NAV3: variants seen among roughly 807,000 people sequenced by gnomAD.
NAV3 encodes pore membrane and/or filament interacting like protein 1.
NAV3 carries 87 observed loss-of-function variants against 244.7 expected under a neutral mutation model. That is an observed-to-expected ratio of 0.36 (90% CI 0.30 to 0.42). The LOEUF is 0.42. Ranked by LOEUF, NAV3 falls within the 20% of genes least tolerant of loss-of-function variation. NAV3 has a pLI of 1.00. For missense variants in NAV3, 2,663 were observed against 2,893.3 expected (o/e 0.92, Z 1.83); for synonymous variants, 1,126 against 1,042.2 (o/e 1.08, Z -1.55).
rs1885239025 is a variant in NAV3 at position 77,901,117 on chromosome 12, A to G, written c.244-39202A>G. Reference sequence around the variant, plus strand: ...TGATTAAGTTCCTTACAGATTCTGGATATTAGGCCTTTGTTGGATGCACAG... The same window carrying G: ...TGATTAAGTTCCTTACAGATTCTGGGTATTAGGCCTTTGTTGGATGCACAG... On this transcript the variant is annotated intron_variant, in intron 1 of 39. Coordinates refer to ENST00000397909, the MANE Select transcript of NAV3 (RefSeq NM_001024383.2). Among the ~76,000 whole-genome samples, 3 of 152,206 alleles carry G rather than the reference A, an allele frequency of 2.0e-5. No individual in the cohort carries two copies. The South Asian group carries it at 6.2e-4, about 32-fold the overall frequency.
intron 8 of NAV3, among the ~76,000 whole-genome samples, chr12:78,020,327 A>T (rs1156857750): frequency 6.6e-6 from 1 of 152,146 alleles, no homozygotes; most frequent in East Asian, 1.9e-4. Context: ...TGGAAGACTA[A>T]AATATCTTTT....
At chr12:78,041,955 C>A (rs1880939887) in intron 9 of NAV3, among the ~76,000 whole-genome samples, 1 of 151,812 alleles carries the variant, frequency 6.6e-6, no homozygotes. Flanking sequence ...CTTTTTCTTC[C>A]ATCCTGTTTC....
At chr12:77,981,035 A>T (rs1160161036) in intron 5 of NAV3, among the ~76,000 whole-genome samples, 1 of 152,288 alleles carries the variant, frequency 6.6e-6, no homozygotes, top group Non-Finnish European at 1.5e-5. Flanking sequence ...TAAAAGGATA[A>T]GTTATCACAG....
At chr12:77,932,686 G>C (rs1162671722) in intron 1 of NAV3, among the ~76,000 whole-genome samples, 2 of 152,108 alleles carry the variant, frequency 1.3e-5, no homozygotes, top group Non-Finnish European at 2.9e-5. Context: ...TCAAGTTCAA[G>C]TTTAGTAACA....
chr12:77,625,760 A>G (rs530938811), intron 2 of NAV3, among the ~76,000 whole-genome samples: 1 of 152,236 alleles, frequency 6.6e-6, no homozygotes, highest in African/African-American at 2.4e-5. Flanking sequence ...AAAGTATCCT[A>G]CTCAACCAAC....
chr12:77,721,423 T>G (rs1017699746), intron 2 of NAV3, among the ~76,000 whole-genome samples: 1 of 152,154 alleles, frequency 6.6e-6, no homozygotes, highest in Non-Finnish European at 1.5e-5. Context: ...CCTTTTTGTT[T>G]TAGCTCTTCT....
At chr12:78,157,336 G>A (rs1406818512) in intron 22 of NAV3, among the ~76,000 whole-genome samples, 3 of 151,560 alleles carry the variant, frequency 2.0e-5, no homozygotes, top group African/African-American at 7.3e-5. Flanking sequence ...AATTACTTGA[G>A]GCTAGGAGTT....
chr12:78,073,805 A>G, intron 12 of NAV3, among the ~76,000 whole-genome samples: 1 of 152,202 alleles, frequency 6.6e-6, no homozygotes, highest in Non-Finnish European at 1.5e-5. Flanking sequence ...ACAAGGCTAC[A>G]GTAACCAAAA....
chr12:77,803,457 T>A (rs1216294391), intron 2 of NAV3, among the ~76,000 whole-genome samples: 1 of 152,186 alleles, frequency 6.6e-6, no homozygotes, highest in Non-Finnish European at 1.5e-5. Flanking sequence ...GGACATGAAC[T>A]CATCCTTTTT....
intron 2 of NAV3, among the ~76,000 whole-genome samples, chr12:77,685,251 G>A (rs985889452): frequency 5.9e-5 from 9 of 152,172 alleles, no homozygotes; most frequent in African/African-American, 2.2e-4. Context: ...CTTCCTGTAA[G>A]CGGTGTGTAA....
chr12:77,942,277 C>G (rs917234776), intron 3 of NAV3, among the ~76,000 whole-genome samples: 1 of 152,044 alleles, frequency 6.6e-6, no homozygotes, highest in African/African-American at 2.4e-5. Context: ...GAGGCTGAGG[C>G]AGGAGAATCG....
At position 77,778,624 on chromosome 12, in the gene NAV3, A is replaced by G. The variant is rs911753284; in HGVS notation, c.73-161695A>G. Among the ~76,000 whole-genome samples, 111 of 152,006 alleles carry G rather than the reference A, an allele frequency of 7.3e-4. 1 individual carries two copies. The highest frequency in any genetic ancestry group is 2.6e-3 in the African/African-American group (109 of 41,476). The stretch of plus-strand genomic sequence containing the variant: ...GAGACTCCGTCTCAGAAAAAAAAAA[A>G]AAAAAAAGAAAATGCATTTATATTA... On this transcript the variant is annotated intron_variant, in intron 2 of 8. Coordinates refer to the NAV3 transcript ENST00000550042.
intron 1 of NAV3, among the ~76,000 whole-genome samples, chr12:77,918,437 C>T (rs1887376769): frequency 6.6e-6 from 1 of 152,034 alleles, no homozygotes; most frequent in Non-Finnish European, 1.5e-5. Flanking sequence ...CTTAGCACAC[C>T]CACACCTAGC....
intron 2 of NAV3, among the ~76,000 whole-genome samples, chr12:77,716,862 A>T (rs572014795): frequency 6.6e-6 from 1 of 152,094 alleles, no homozygotes; most frequent in African/African-American, 2.4e-5. Flanking sequence ...TGTGATATGC[A>T]TGAAGCAAAA....
At chr12:77,585,250 A>G (rs1057422207) in intron 2 of NAV3, among the ~76,000 whole-genome samples, 1 of 152,182 alleles carries the variant, frequency 6.6e-6, no homozygotes, top group Non-Finnish European at 1.5e-5. Flanking sequence ...TTCAGGTCAC[A>G]TAACCACCTC....
chr12:77,806,048 C>T (rs929004694), intron 2 of NAV3, among the ~76,000 whole-genome samples: 2 of 151,112 alleles, frequency 1.3e-5, no homozygotes, highest in South Asian at 4.2e-4. Context: ...CTATTTGATT[C>T]TTCTCTCTTT....
At chr12:77,600,559 G>C (rs1272484746) in intron 2 of NAV3, among the ~76,000 whole-genome samples, 1 of 151,954 alleles carries the variant, frequency 6.6e-6, no homozygotes, top group Non-Finnish European at 1.5e-5. Flanking sequence ...CAGACCAGGA[G>C]AGAAGAGAAC....
At chr12:78,139,134 G>A (rs1956499176) in intron 19 of NAV3, among the ~76,000 whole-genome samples, 1 of 151,990 alleles carries the variant, frequency 6.6e-6, no homozygotes. Flanking sequence ...CCAACATTTT[G>A]CACATTACAT....
chr12:78,098,103 A>G (rs1054700263), intron 12 of NAV3, among the ~76,000 whole-genome samples: 1 of 152,132 alleles, frequency 6.6e-6, no homozygotes, highest in African/African-American at 2.4e-5. Flanking sequence ...TCTCTGTAGC[A>G]TCTTACTGAT....
Sources: allele counts gnomAD v4.1 joint callset (sites outside exome capture counted in the v4.1 genomes callset), GRCh38; gene constraint gnomAD v4.1.1; transcripts MANE v1.5; gene names NCBI Gene and HGNC (gene_info 2026-07-23, HGNC 2026-07-21).